SQSTM1: variants seen among roughly 807,000 people sequenced by gnomAD.
The protein encoded by SQSTM1 is sequestosome-1.
In SQSTM1, 36 loss-of-function variants were observed where a neutral mutation model predicts 45.1. The observed-to-expected ratio is 0.80, with a 90% CI of 0.61 to 1.05. The LOEUF is 1.05. Among genes scored for constraint, SQSTM1 ranks in the 50% least tolerant of loss-of-function variants. SQSTM1 has a pLI of 0.00. For synonymous variants in SQSTM1, 290 were observed against 244.3 expected, an observed-to-expected ratio of 1.19 and a Z score of -1.74; for missense variants, 617 against 607.1, an observed-to-expected ratio of 1.02 and a Z score of -0.17.
At chr5:179,809,637 CTT>C (rs1181470503) in intron 1 of SQSTM1, among the ~76,000 whole-genome samples, 15 of 77,658 alleles carry the variant, frequency 1.9e-4, no homozygotes, top group South Asian at 4.6e-4. Context: ...GCGCCTGGCC[CTT>C]TTTTTTTTTT....
chr5:179,821,033 G>T lies in SQSTM1; in HGVS notation c.97G>T (p.Ala33Ser), dbSNP rs1156716975. The change falls in exon 1 of 8, where the codon GCG becomes TCG. Residue 33 changes from alanine (A) to serine (S), a missense_variant. Ala to Ser is a moderately conservative substitution (Grantham distance 99). Coordinates refer to ENST00000389805, the MANE Select transcript of SQSTM1 (RefSeq NM_003900.5). ...FSFCCSPEPE[A>S]EAEAAAGPGP... is the part of the protein sequence containing the mutation. The stretch of plus-strand genomic sequence containing the variant: ...CTTCTGCTGCAGCCCCGAGCCTGAG[G>T]CGGAAGCCGAGGCTGCGGCGGGTCC... 4 of 1,556,340 alleles carry T rather than the reference G, an allele frequency of 2.6e-6. No homozygotes were observed. Among genetic ancestry groups the T allele is most frequent in the Non-Finnish European group, 3.4e-6 (4 of 1,160,844 alleles).
At chr5:179,836,390 A>G in intron 7 of SQSTM1, 46 bp from the exon 8 acceptor site, 1 of 1,613,872 alleles carries the variant, frequency 6.2e-7, no homozygotes, top group Non-Finnish European at 8.5e-7. Context: ...CGGGTCACTC[A>G]CAGGGCTCAG....
chr5:179,821,826 G>A (rs1164430058), intron 1 of SQSTM1: 1 of 288,846 alleles, frequency 3.5e-6, no homozygotes, highest in South Asian at 2.5e-5. Flanking sequence ...GCTGGGGGTG[G>A]GGTTAGGGAG....
intron 5 of SQSTM1, among the ~76,000 whole-genome samples, chr5:179,829,939 G>A (rs894172026): frequency 6.6e-6 from 1 of 152,070 alleles, no homozygotes; most frequent in Non-Finnish European, 1.5e-5. Context: ...CCCACTTCCC[G>A]TGTCTACAAA....
In SQSTM1 at chr5:179,809,015, G is replaced by A. The variant is rs1273302478; in HGVS notation, c.-157+2424G>A. ...TGGGACTACAGGCACCCACCACCAC[G>A]CTCGGCTGATTTTTTGTATTTTTAT... On this transcript the variant is annotated intron_variant, in intron 1 of 5. Coordinates refer to the SQSTM1 transcript ENST00000514093. Among the ~76,000 whole-genome samples the A allele has an allele frequency of 3.3e-5, 5 of 150,184 alleles. No homozygotes were observed. The East Asian group carries it at 7.9e-4, about 24-fold the overall frequency.
rs269446 is a variant in SQSTM1, at chr5:179,833,331, C to G, written c.969+85C>G. On this transcript the variant is annotated intron_variant, in intron 6 of 7. Transcript: ENST00000389805. ...CACCTCCGCCTCATCCTCAGCACCTCTGCAGCCCCACTTACAAACCCGAGG... is the reference window on the plus strand; with the variant it reads ...CACCTCCGCCTCATCCTCAGCACCTGTGCAGCCCCACTTACAAACCCGAGG... 0.064 allele frequency: 84,460 copies of G among 1,328,204 alleles called. 10,244 individuals carry two copies. Among genetic ancestry groups the G allele is most frequent in the African/African-American group, 0.51 (34,930 of 68,504 alleles). 82.3% of individuals were successfully genotyped at this position (1,328,204 alleles called of 1,614,324 possible). A position where few individuals can be genotyped will look rare whatever the true frequency, so the allele number is the denominator to read the frequency against.
chr5:179,813,770 A>G (rs1167484158), intron 2 of SQSTM1: 1 of 151,646 alleles, frequency 6.6e-6, no homozygotes, highest in Non-Finnish European at 1.5e-5. Context: ...AAAATAAAAT[A>G]TAACCTTTTG....
Position 179,806,571 on chromosome 5 carries a change from TG to T in SQSTM1, c.-176del. 7.8e-7 allele frequency: 1 copy of T among 1,287,520 alleles called. No individual in the cohort carries two copies. The allele number at this position is 1,287,520 out of a possible 1,614,324, so 79.8% of individuals were successfully genotyped here. The stretch of plus-strand genomic sequence containing the variant: ...AGCAGCAGCGTCAGGAAGGTGCCAT[TG>T]CGGAGCCTCATCTCCTCGGGTGCGC... On this transcript the variant is annotated 5_prime_UTR_variant, in exon 1 of 6. Transcript: ENST00000514093. This position sits in a 1 kb window ranked among gnomAD's most constrained non-coding sequence, Gnocchi z 4.6.
rs1439101777 is a variant in SQSTM1, at chr5:179,833,899, CTG to C, written c.1165+119_1165+120del. The C allele has an allele frequency of 3.6e-5, 42 of 1,179,182 alleles. 1 individual carries two copies. The highest frequency in any genetic ancestry group is 4.3e-5 in the Non-Finnish European group (35 of 809,210). The allele number at this position is 1,179,182 out of a possible 1,614,324, so 73.0% of individuals were successfully genotyped here. ...GAGATGTTCTCCACTGCAGGGCTGTCTGTAGGTGTGGGAGGTTAGGAGTTGGT... is the reference window on the plus strand; with the variant it reads ...GAGATGTTCTCCACTGCAGGGCTGTCTAGGTGTGGGAGGTTAGGAGTTGGT... On this transcript the variant is annotated intron_variant, in intron 7 of 7. Coordinates refer to ENST00000389805, the MANE Select transcript of SQSTM1 (RefSeq NM_003900.5).
rs756011095 is a variant in SQSTM1, at chr5:179,837,783, C to A, written c.*1190C>A. The A allele has an allele frequency of 1.9e-6, 3 of 1,614,072 alleles. No homozygotes were observed. The highest frequency in any genetic ancestry group is 2.5e-6 in the Non-Finnish European group (3 of 1,180,042). On this transcript the variant is annotated 3_prime_UTR_variant, in exon 8 of 8. Coordinates refer to ENST00000389805, the MANE Select transcript of SQSTM1 (RefSeq NM_003900.5). ...ACCTGCTGGATGGGACTCCATAGCT[C>A]CTTCCCAGGACCCCTCAGCTCCCCG...
At position 179,836,843 on chromosome 5, in the gene SQSTM1, C is replaced by T. The variant is rs1758586293; in HGVS notation, c.*250C>T. The T allele has an allele frequency of 1.5e-6, 1 of 646,874 alleles. No homozygotes were observed. Among genetic ancestry groups the T allele is most frequent in the African/African-American group, 1.8e-5 (1 of 55,166 alleles). 40.1% of individuals were successfully genotyped at this position (646,874 alleles called of 1,614,324 possible). On this transcript the variant is annotated 3_prime_UTR_variant, in exon 8 of 8. Transcript: ENST00000389805. ...GGCTGGGCCTGCGAGACCCAAGGCT[C>T]ACTGCAGCGCGCTCCTGACCCCTCC...
In SQSTM1 at chr5:179,836,107, A is replaced by T. The variant is rs568344706; in HGVS notation, c.1166-329A>T. Reference sequence around the variant, plus strand: ...TGCCCCATCATCTCTTGCATGGAGGAGTGTAATAATTGGCTAACTGGCCTG... The same window carrying T: ...TGCCCCATCATCTCTTGCATGGAGGTGTGTAATAATTGGCTAACTGGCCTG... On this transcript the variant is annotated intron_variant, in intron 7 of 7. Coordinates refer to ENST00000389805, the MANE Select transcript of SQSTM1 (RefSeq NM_003900.5). 229 of 454,766 alleles carry T rather than the reference A, an allele frequency of 5.0e-4. 1 individual carries two copies. The highest frequency in any genetic ancestry group is 6.6e-4 in the Admixed American group (19 of 28,978). The allele number at this position is 454,766 out of a possible 1,614,324, so 28.2% of individuals were successfully genotyped here.
At chr5:179,826,772 T>G (rs1202792996) in intron 5 of SQSTM1, among the ~76,000 whole-genome samples, 2 of 151,698 alleles carry the variant, frequency 1.3e-5, no homozygotes, top group Non-Finnish European at 2.9e-5. Context: ...AGCTATTTTT[T>G]GTATTTTTAG....
chr5:179,814,302 TAGG>T (rs1454358968), upstream of SQSTM1, among the ~76,000 whole-genome samples: 1 of 152,098 alleles, frequency 6.6e-6, no homozygotes, highest in Non-Finnish European at 1.5e-5. Context: ...GGAATGGAGT[TAGG>T]AGAAGTAGAT....
chr5:179,833,392 A>C (rs1561605748), intron 6 of SQSTM1, 146 bp downstream of exon 6: 1 of 1,019,780 alleles, frequency 9.8e-7, no homozygotes, highest in African/African-American at 1.6e-5. Flanking sequence ...TGTGCCATTA[A>C]AGTCACGCTG....
At chr5:179,821,763 T>G in intron 1 of SQSTM1, 1 of 326,124 alleles carries the variant, frequency 3.1e-6, no homozygotes, top group South Asian at 2.2e-5. Context: ...TTCAGAAGTG[T>G]TGGTGTTGGC....
chr5:179,821,527 T>C (rs1425310079), intron 1 of SQSTM1: 1 of 491,006 alleles, frequency 2.0e-6, no homozygotes, highest in South Asian at 1.5e-5. Context: ...GCACTCGGGT[T>C]ACACTGACAC....
In SQSTM1 at chr5:179,836,947, A is replaced by T. The variant is rs913854594; in HGVS notation, c.*354A>T. ...TTCTCTTTTGTTTTAAATGACTCAT[A>T]GGTCCCTGACATTTAGTTGATTATT... On this transcript the variant is annotated 3_prime_UTR_variant, in exon 8 of 8. Transcript: ENST00000389805. 1 of 606,940 alleles carries T rather than the reference A, an allele frequency of 1.6e-6. No homozygotes were observed. The allele number at this position is 606,940 out of a possible 1,614,324, so 37.6% of individuals were successfully genotyped here.
At chr5:179,821,996 C>T (rs1757800638) in intron 1 of SQSTM1, among the ~76,000 whole-genome samples, 1 of 152,098 alleles carries the variant, frequency 6.6e-6, no homozygotes, top group Admixed American at 6.5e-5. Context: ...AATAAGGGTT[C>T]ACCCATTTAG....
Sources: gnomAD v4.1 joint callset for allele counts (sites outside exome capture counted in the v4.1 genomes callset) on GRCh38, gnomAD v4.1.1 for gene constraint, Gnocchi (gnomAD v3.1) non-coding constraint, MANE v1.5 for transcripts, NCBI Gene and HGNC (gene_info 2026-07-23, HGNC 2026-07-21) for gene names.